The following NTN1 variants were observed in gnomAD, a reference collection of about 807,000 sequenced individuals.
NTN1 encodes the protein netrin-1.
NTN1 carries 11 observed loss-of-function variants against 54.2 expected under a neutral mutation model. That is an observed-to-expected ratio of 0.20 (90% CI 0.13 to 0.34). The LOEUF is 0.34. Ranked by LOEUF, NTN1 falls within the 10% of genes least tolerant of loss-of-function variation. NTN1 has a pLI of 1.00. For missense variants in NTN1, 740 were observed against 893.1 expected (o/e 0.83, Z 2.18); for synonymous variants, 371 against 382.0 (o/e 0.97, Z 0.33).
At chr17:9,232,222 C>A (rs1285149196) in intron 6 of NTN1, among the ~76,000 whole-genome samples, 1 of 152,200 alleles carries the variant, frequency 6.6e-6, no homozygotes, top group Non-Finnish European at 1.5e-5. Flanking sequence ...AGCAGGCTCT[C>A]CCCCAGGCTG....
Position 9,203,088 on chromosome 17 carries a change from A to AT in NTN1, c.1412-18072dup, listed in dbSNP as rs796386905. Among the ~76,000 whole-genome samples the AT allele has an allele frequency of 1.8e-4, 27 of 151,828 alleles. 1 individual carries two copies. Among genetic ancestry groups the AT allele is most frequent in the African/African-American group, 5.3e-4 (22 of 41,398 alleles). On this transcript the variant is annotated intron_variant, in intron 5 of 6. Coordinates refer to ENST00000173229, the MANE Select transcript of NTN1 (RefSeq NM_004822.3). ...AGGCGCTGGCCACCAAGCCTGGCTAATTTTTTTTATTTTTACTAGAGATGG... is the reference window on the plus strand; with the variant it reads ...AGGCGCTGGCCACCAAGCCTGGCTAATTTTTTTTTATTTTTACTAGAGATGG...
At chr17:9,162,652 A>ACAGGAGGAGCC (rs1187548537) in intron 2 of NTN1, among the ~76,000 whole-genome samples, 161 bp from the exon 3 acceptor site, 2 of 152,196 alleles carry the variant, frequency 1.3e-5, no homozygotes, top group African/African-American at 4.8e-5. Flanking sequence ...ACGGGTACAA[A>ACAGGAGGAGCC]CAGGAGGAGC....
At chr17:9,043,810 C>T (rs1418177816) in intron 2 of NTN1, among the ~76,000 whole-genome samples, 1 of 152,042 alleles carries the variant, frequency 6.6e-6, no homozygotes, top group Non-Finnish European at 1.5e-5. Flanking sequence ...AAACTCCGGA[C>T]CTCAGGTGAT....
At chr17:9,222,444 A>C (rs554668098) in intron 6 of NTN1, among the ~76,000 whole-genome samples, 11 of 152,352 alleles carry the variant, frequency 7.2e-5, no homozygotes, top group African/African-American at 2.4e-4. Context: ...GATGAGTCCC[A>C]TTGCTTACCT....
intron 5 of NTN1, among the ~76,000 whole-genome samples, chr17:9,213,263 C>T (rs1399500366): frequency 6.6e-6 from 1 of 152,224 alleles, no homozygotes; most frequent in East Asian, 1.9e-4. Flanking sequence ...CCAGGCAGTG[C>T]CTGTGTCCAG....
chr17:9,148,230 ACAGGTATCTAT>A (rs1411385551), intron 2 of NTN1, among the ~76,000 whole-genome samples: 1 of 152,210 alleles, frequency 6.6e-6, no homozygotes, highest in Non-Finnish European at 1.5e-5. Context: ...GCTCCTGGGC[ACAGGTATCTAT>A]TCTTGTTCAG....
chr17:9,036,154 G>T (rs1256376569), intron 2 of NTN1, among the ~76,000 whole-genome samples: 1 of 152,114 alleles, frequency 6.6e-6, no homozygotes, highest in Non-Finnish European at 1.5e-5. Flanking sequence ...AGCCACCATG[G>T]CTGGCCTGTT....
At chr17:9,047,930 A>G (rs1179729358) in intron 2 of NTN1, among the ~76,000 whole-genome samples, 1 of 152,118 alleles carries the variant, frequency 6.6e-6, no homozygotes, top group Non-Finnish European at 1.5e-5. Flanking sequence ...TCCTGACCTC[A>G]GGTGATCCAC....
intron 2 of NTN1, among the ~76,000 whole-genome samples, chr17:9,044,800 A>G (rs1200906768): frequency 1.3e-5 from 2 of 152,246 alleles, no homozygotes; most frequent in African/African-American, 4.8e-5. Flanking sequence ...AGATTAAGTG[A>G]CAAAGTCATT....
chr17:9,105,090 G>A (rs1248567497), intron 2 of NTN1, among the ~76,000 whole-genome samples: 1 of 152,212 alleles, frequency 6.6e-6, no homozygotes, highest in East Asian at 1.9e-4. Flanking sequence ...TTTGTTTTGA[G>A]CGTCCATTTC....
chr17:9,035,105 C>G (rs1235894779), intron 2 of NTN1, among the ~76,000 whole-genome samples: 3 of 152,082 alleles, frequency 2.0e-5, no homozygotes, highest in Non-Finnish European at 4.4e-5. Flanking sequence ...CGCCACCACA[C>G]CCGGCTAATT....
chr17:9,083,810 A>G (rs1597481562), intron 2 of NTN1, among the ~76,000 whole-genome samples: 1 of 152,038 alleles, frequency 6.6e-6, no homozygotes, highest in Non-Finnish European at 1.5e-5. Flanking sequence ...AGTTACACAA[A>G]CCCATGTAAT....
intron 2 of NTN1, among the ~76,000 whole-genome samples, chr17:9,029,379 C>T (rs185285879): frequency 6.6e-6 from 1 of 152,158 alleles, no homozygotes; most frequent in Admixed American, 6.5e-5. Context: ...CTGCAGGGCA[C>T]GTCTCGGCTT....
rs1350593556 is a variant in NTN1 at position 9,219,864 on chromosome 17, C to T, written c.1412-1304C>T. ...GTGTGTGTGCACGTGTGTGTTGAAT[C>T]TTTCCCCTCCTGGTCCTCTTTTCCT... On this transcript the variant is annotated intron_variant, in intron 5 of 6. Coordinates refer to ENST00000173229, the MANE Select transcript of NTN1 (RefSeq NM_004822.3). This position sits in a 1 kb window ranked among gnomAD's most constrained non-coding sequence, Gnocchi z 4.5. Among the ~76,000 whole-genome samples the T allele has an allele frequency of 6.6e-6, 1 of 152,202 alleles. No individual in the cohort carries two copies. The highest frequency in any genetic ancestry group is 1.5e-5 in the Non-Finnish European group (1 of 68,026).
At chr17:9,139,904 C>T (rs766488179) in intron 2 of NTN1, among the ~76,000 whole-genome samples, 1 of 150,356 alleles carries the variant, frequency 6.7e-6, no homozygotes, top group Non-Finnish European at 1.5e-5. Flanking sequence ...TCCATTCATC[C>T]ATCATCCATC....
intron 2 of NTN1, among the ~76,000 whole-genome samples, chr17:9,072,555 G>A (rs895415273): frequency 3.9e-5 from 6 of 152,122 alleles, no homozygotes; most frequent in Admixed American, 6.5e-5. Flanking sequence ...CCTGGTCTCC[G>A]GAGTAGCTTT....
At position 9,023,107 on chromosome 17, in the gene NTN1, C is replaced by G; in HGVS notation, c.734C>G (p.Thr245Arg). Reference sequence around the variant, plus strand: ...GTGCTGCAGGACTGGGTCACGGCCACAGACATCCGCGTGGCCTTCAGCCGC... The same window carrying G: ...GTGCTGCAGGACTGGGTCACGGCCAGAGACATCCGCGTGGCCTTCAGCCGC... ...SPVLQDWVTA[T>R]DIRVAFSRLH... is the part of the protein sequence containing the mutation. Residue 245 changes from threonine (T) to arginine (R), a missense_variant, in exon 2 of 7, where the codon ACA (threonine) becomes AGA (arginine). Physicochemically the swap from Thr to Arg is moderately conservative, Grantham distance 71. Transcript: ENST00000173229. 6.4e-7 allele frequency: 1 copy of G among 1,567,624 alleles called. No homozygotes were observed. The highest frequency in any genetic ancestry group is 8.6e-7 in the Non-Finnish European group (1 of 1,156,946).
At chr17:9,088,519 A>G (rs770165291) in intron 2 of NTN1, among the ~76,000 whole-genome samples, 2 of 152,078 alleles carry the variant, frequency 1.3e-5, no homozygotes, top group African/African-American at 2.4e-5. Flanking sequence ...TAGCACCCCA[A>G]TGACACACAC....
intron 6 of NTN1, among the ~76,000 whole-genome samples, chr17:9,233,975 G>T (rs1905897113): frequency 6.6e-6 from 1 of 152,178 alleles, no homozygotes; most frequent in Admixed American, 6.5e-5. Flanking sequence ...CCCTGGGCCT[G>T]CCTCCTAGCC....
Sources: allele counts gnomAD v4.1 joint callset (sites outside exome capture counted in the v4.1 genomes callset), GRCh38; gene constraint gnomAD v4.1.1; non-coding constraint Gnocchi (gnomAD v3.1); transcripts MANE v1.5; gene names NCBI Gene and HGNC (gene_info 2026-07-23, HGNC 2026-07-21).